The following CCDC144A variants were observed in gnomAD, a reference collection of about 807,000 sequenced individuals.
The protein encoded by CCDC144A is coiled-coil domain containing 144A.
CCDC144A carries 41 observed loss-of-function variants against 143.8 expected under a neutral mutation model. That is an observed-to-expected ratio of 0.29 (90% confidence interval 0.22 to 0.37). The LOEUF (loss-of-function observed/expected upper bound fraction) is 0.37. Ranked by LOEUF, CCDC144A falls within the 10% of genes least tolerant of loss-of-function variation. The probability of loss-of-function intolerance (pLI) is 1.00; values close to 1 mark genes in which losing one functional copy is unlikely to be tolerated. For synonymous variants in CCDC144A, 242 were observed against 517.9 expected (o/e 0.47, Z 7.23); for missense variants, 637 against 1,488.8 (o/e 0.43, Z 9.41).
upstream of CCDC144A, among the ~76,000 whole-genome samples, chr17:16,688,861 C>T (rs1230755162): frequency 1.3e-5 from 2 of 152,144 alleles, no homozygotes; most frequent in Non-Finnish European, 2.9e-5. Flanking sequence ...TACATTTCTT[C>T]TTTGCTATAC....
chr17:16,766,958 A>G (rs1480637976), intron 15 of CCDC144A: 2 of 152,154 alleles, frequency 1.3e-5, no homozygotes, highest in East Asian at 3.9e-4. Context: ...TTTTTGCCCA[A>G]TCATGTTAGA....
At chr17:16,757,462 G>A (rs895168969) in intron 12 of CCDC144A, among the ~76,000 whole-genome samples, 3 of 152,256 alleles carry the variant, frequency 2.0e-5, no homozygotes, top group African/African-American at 7.2e-5. Context: ...TGGTATTAGT[G>A]GTAGATGGGG....
chr17:16,668,012 T>G, the CCDC144A span, among the ~76,000 whole-genome samples: 1 of 149,220 alleles, frequency 6.7e-6, no homozygotes, highest in Non-Finnish European at 1.5e-5. Context: ...CAACTTAGAG[T>G]TAACATGCAC....
chr17:16,753,438 T>TG lies in CCDC144A; in HGVS notation c.3373-7987_3373-7986insG, dbSNP rs1555535618. Among the ~76,000 whole-genome samples, 220 of 120,550 alleles carry TG rather than the reference T, an allele frequency of 1.8e-3. 6 individuals are homozygous for TG. Among genetic ancestry groups the TG allele is most frequent in the African/African-American group, 8.0e-3 (200 of 24,874 alleles). 79.1% of individuals were successfully genotyped at this position (120,550 alleles called of 152,430 possible). A position where few individuals can be genotyped will look rare whatever the true frequency, so the allele number is the denominator to read the frequency against. On this transcript the variant is annotated intron_variant, in intron 12 of 16. Coordinates refer to ENST00000399273, the MANE Select transcript of CCDC144A (RefSeq NM_001382000.1). ...TGTCAGTGTTTTGTAGTTTTTTTTT[T>TG]TTTTTTTTTTTTTTTTTTGTAAAGC... is the stretch of plus-strand genomic sequence containing the variant.
At chr17:16,690,184 G>T, upstream of CCDC144A, 1 of 387,846 alleles carries the variant, frequency 2.6e-6, no homozygotes, top group Non-Finnish European at 4.6e-6. Flanking sequence ...CAGGTTCCGT[G>T]ATGTCACAGG....
At chr17:16,741,051 A>G (rs2143274129) in intron 12 of CCDC144A, among the ~76,000 whole-genome samples, 1 of 151,358 alleles carries the variant, frequency 6.6e-6, no homozygotes, top group South Asian at 2.1e-4. Context: ...TTTGTCATTA[A>G]TAAATTAACC....
chr17:16,772,080 G>T, intron 16 of CCDC144A, 61 bp downstream of exon 16: 12 of 1,198,668 alleles, frequency 1.0e-5, no homozygotes, highest in Non-Finnish European at 1.3e-5. Context: ...GAAATAAACT[G>T]CAAACGACAT....
intron 1 of CCDC144A, chr17:16,691,773 A>C (rs919967045): frequency 4.0e-5 from 6 of 149,812 alleles, no homozygotes; most frequent in Admixed American, 2.0e-4. Flanking sequence ...TAAAACAAAC[A>C]AACAAACAAA....
intron 2 of CCDC144A, among the ~76,000 whole-genome samples, chr17:16,700,443 A>C (rs1358133465): frequency 2.6e-5 from 4 of 152,280 alleles, no homozygotes; most frequent in African/African-American, 7.2e-5. Context: ...CCACATTTGC[A>C]CAAACAGTTT....
rs1914554827 is a variant in CCDC144A, at chr17:16,746,862, C to CTCTCCCTT, written c.3372+11219_3372+11220insTCTCCCTT. The CTCTCCCTT allele has an allele frequency of 4.7e-5, 35 of 738,338 alleles. 1 individual carries two copies. The highest frequency in any genetic ancestry group is 3.4e-4 in the South Asian group (22 of 65,300). 45.7% of individuals were successfully genotyped at this position (738,338 alleles called of 1,614,324 possible). Reference sequence around the variant, plus strand: ...GGAGGCCCGGCCCCCGCCCCTCCCTCCTCTCCCTTCTCTCCCTTCTCTCCC... The same window carrying CTCTCCCTT: ...GGAGGCCCGGCCCCCGCCCCTCCCTCTCTCCCTTCTCTCCCTTCTCTCCCTTCTCTCCC... On this transcript the variant is annotated intron_variant, in intron 12 of 16. Coordinates refer to ENST00000399273, the MANE Select transcript of CCDC144A (RefSeq NM_001382000.1).
the CCDC144A span, chr17:16,683,927 G>A: frequency 3.9e-6 from 5 of 1,280,884 alleles, no homozygotes; most frequent in Non-Finnish European, 5.7e-6. Flanking sequence ...AAAGCCACGA[G>A]CAGGAATCCG....
At chr17:16,667,110 C>CCAGGAGTCAGTGG in the CCDC144A span, 1 of 154,420 alleles carries the variant, frequency 6.5e-6, no homozygotes, top group African/African-American at 2.4e-5. Context: ...CAGCCGGCGG[C>CCAGGAGTCAGTGG]CAGGAGCCAG....
In CCDC144A at chr17:16,772,001, C is replaced by A. The variant is rs1293062646; in HGVS notation, c.4123C>A (p.Leu1375Ile). 4.5e-6 allele frequency: 7 copies of A among 1,538,828 alleles called. No homozygotes were observed. Among genetic ancestry groups the A allele is most frequent in the Non-Finnish European group, 6.2e-6 (7 of 1,137,808 alleles). Residue 1375 changes from leucine (L) to isoleucine (I), a missense_variant, in exon 16 of 17, where the codon CTA becomes ATA. Transcript: ENST00000399273. ...GATGCAGCAGAAGTTGCAAAATGAT[C>A]TAACTGCAGAAGTAGCAGGTATGTT... Reference protein sequence around the residue: ...LKMQQKLQNDLTAEVAAATKY... With the variant: ...LKMQQKLQNDITAEVAAATKY...
Position 16,710,026 on chromosome 17 carries a change from G to A in CCDC144A, c.1578+391G>A, listed in dbSNP as rs558559786. ...AAGATGGGAATACAGTAGAAAGGAAGCAATGACTAAGAAGAGATATAAAAA... is the reference window on the plus strand; with the variant it reads ...AAGATGGGAATACAGTAGAAAGGAAACAATGACTAAGAAGAGATATAAAAA... On this transcript the variant is annotated intron_variant, in intron 5 of 16. Coordinates refer to ENST00000399273, the MANE Select transcript of CCDC144A (RefSeq NM_001382000.1). The A allele has an allele frequency of 1.8e-3, 401 of 219,954 alleles. 2 individuals carry two copies. Among genetic ancestry groups the A allele is most frequent in the African/African-American group, 9.2e-3 (388 of 42,054 alleles). The allele number at this position is 219,954 out of a possible 1,614,324, so 13.6% of individuals were successfully genotyped here. A position where few individuals can be genotyped will look rare whatever the true frequency, so the allele number is the denominator to read the frequency against.
rs200747549 is a variant in CCDC144A, at chr17:16,690,601, C to T, written c.201C>T (p.Gly67=). Residue 67 remains glycine (G), a synonymous_variant, in exon 1 of 17, where the codon GGC becomes GGT. Transcript: ENST00000399273. Reference sequence around the variant, plus strand: ...GCAGCGAGAGCAAGCACGGTGAGGGCGCCTTAGACCAGCCCCAGCACGACG... The same window carrying T: ...GCAGCGAGAGCAAGCACGGTGAGGGTGCCTTAGACCAGCCCCAGCACGACG... ...SVGSESKHGE[G]ALDQPQHDVR... The T allele has an allele frequency of 4.9e-5, 79 of 1,613,520 alleles. No homozygotes were observed. The highest frequency in any genetic ancestry group is 1.2e-4 in the South Asian group (11 of 91,064).
chr17:16,683,820 T>C, the CCDC144A span: 71 of 1,419,910 alleles, frequency 5.0e-5, 2 homozygotes, highest in South Asian at 6.9e-4. Context: ...AAGCCGAGCG[T>C]GAAGCCGGCG....
chr17:16,676,829 T>A, the CCDC144A span, among the ~76,000 whole-genome samples: 2 of 152,132 alleles, frequency 1.3e-5, no homozygotes, highest in South Asian at 4.2e-4. Context: ...CTGTGATTAT[T>A]TTATATAATC....
intron 12 of CCDC144A, chr17:16,746,823 C>A: frequency 8.5e-7 from 1 of 1,169,596 alleles, no homozygotes; most frequent in Non-Finnish European, 1.2e-6. Flanking sequence ...CAAAAGGCAC[C>A]GCGTACCGCG....
chr17:16,709,785 G>T, intron 5 of CCDC144A, 150 bp downstream of exon 5: 1 of 1,189,172 alleles, frequency 8.4e-7, no homozygotes, highest in Non-Finnish European at 1.2e-6. Context: ...CTAAGTAATA[G>T]GAGTTTAGGA....
Sources: allele counts gnomAD v4.1 joint callset (sites outside exome capture counted in the v4.1 genomes callset), GRCh38; gene constraint gnomAD v4.1.1; transcripts MANE v1.5; gene names NCBI Gene and HGNC (gene_info 2026-07-23, HGNC 2026-07-21).